The following ERBB4 variants were observed in gnomAD, a reference collection of about 807,000 sequenced individuals.
ERBB4 encodes receptor tyrosine-protein kinase erbB-4.
A neutral mutation model predicts 158.0 loss-of-function variants in ERBB4; 42 were observed. The ratio of observed to expected loss-of-function variants is 0.27; its 90% confidence interval spans 0.21 to 0.34. ERBB4 has a LOEUF of 0.34. Ranked by LOEUF, ERBB4 falls within the 10% of genes least tolerant of loss-of-function variation. ERBB4 has a pLI of 1.00. For missense variants in ERBB4, 1,333 were observed against 1,624.1 expected, an observed-to-expected ratio of 0.82 and a Z score of 3.08; for synonymous variants, 583 against 558.7, an observed-to-expected ratio of 1.04 and a Z score of -0.61.
chr2:212,371,388 A>T (rs2090079881), intron 1 of ERBB4, among the ~76,000 whole-genome samples: 1 of 152,244 alleles, frequency 6.6e-6, no homozygotes, highest in Admixed American at 6.5e-5. Flanking sequence ...TTTCTTTACA[A>T]TGTCAAATAC....
intron 1 of ERBB4, among the ~76,000 whole-genome samples, chr2:212,525,406 A>T (rs1692396154): frequency 6.6e-6 from 1 of 151,976 alleles, no homozygotes; most frequent in South Asian, 2.1e-4. Context: ...TGGAAATATG[A>T]TGAGATGAAC....
At chr2:211,546,920 A>G (rs553952371) in intron 20 of ERBB4, among the ~76,000 whole-genome samples, 1 of 152,248 alleles carries the variant, frequency 6.6e-6, no homozygotes, top group South Asian at 2.1e-4. Flanking sequence ...GAGTGCATTT[A>G]GAAACAAATA....
chr2:211,657,398 A>G (rs369699575), intron 16 of ERBB4, among the ~76,000 whole-genome samples: 115 of 151,884 alleles, frequency 7.6e-4, no homozygotes, highest in African/African-American at 2.5e-3. Flanking sequence ...AATCCCAGCT[A>G]CTCGGGAGGC....
rs2076009053 is a variant in ERBB4, at chr2:211,998,086, T to C, written c.235-50470A>G. Among the ~76,000 whole-genome samples, 3 of 151,990 alleles carry C rather than the reference T, an allele frequency of 2.0e-5. No individual in the cohort carries two copies. The South Asian group carries it at 6.2e-4, about 32-fold the overall frequency. On this transcript the variant is annotated intron_variant, in intron 2 of 27. Coordinates refer to ENST00000342788, the MANE Select transcript of ERBB4 (RefSeq NM_005235.3). Reference sequence around the variant, plus strand: ...ATTAGGAGATATACCTAACGTTAAATGATGAGTTAATGGGTGCAGCATACC... The same window carrying C: ...ATTAGGAGATATACCTAACGTTAAACGATGAGTTAATGGGTGCAGCATACC...
At chr2:212,373,816 T>A (rs1409428669) in intron 1 of ERBB4, among the ~76,000 whole-genome samples, 1 of 96,898 alleles carries the variant, frequency 1.0e-5, no homozygotes, top group Non-Finnish European at 2.0e-5. Context: ...TATATCCATG[T>A]ATATATCCAT....
At chr2:212,404,416 T>C (rs184679021) in intron 1 of ERBB4, among the ~76,000 whole-genome samples, 1 of 152,170 alleles carries the variant, frequency 6.6e-6, no homozygotes, top group Admixed American at 6.6e-5. Context: ...CATTTATCCA[T>C]CTGTTCTTTG....
intron 1 of ERBB4, among the ~76,000 whole-genome samples, chr2:212,402,716 A>C (rs926770609): frequency 1.3e-5 from 2 of 152,162 alleles, no homozygotes; most frequent in Non-Finnish European, 2.9e-5. Context: ...TATTAAAAAA[A>C]CAACTGCATG....
At chr2:212,520,316 C>A (rs974831398) in intron 1 of ERBB4, among the ~76,000 whole-genome samples, 3 of 151,834 alleles carry the variant, frequency 2.0e-5, no homozygotes. Flanking sequence ...AAACTTCATC[C>A]CAGTCTAGTT....
intron 1 of ERBB4, among the ~76,000 whole-genome samples, chr2:212,256,684 C>T (rs2106070409): frequency 6.6e-6 from 1 of 152,222 alleles, no homozygotes; most frequent in Non-Finnish European, 1.5e-5. Context: ...GAGGATAAGT[C>T]AGTAGCCTCG....
intron 1 of ERBB4, among the ~76,000 whole-genome samples, chr2:212,509,508 AT>A (rs1416639447): frequency 2.0e-5 from 3 of 152,072 alleles, no homozygotes; most frequent in African/African-American, 7.2e-5. Flanking sequence ...TATAAAAATT[AT>A]TACATGTTCT....
At chr2:212,125,056 AC>A in intron 1 of ERBB4, 153 bp from the exon 2 acceptor site, 1 of 796,316 alleles carries the variant, frequency 1.3e-6, no homozygotes, top group Non-Finnish European at 2.0e-6. Context: ...AGACCCACGC[AC>A]TGATGAACAT....
intron 1 of ERBB4, among the ~76,000 whole-genome samples, chr2:212,531,462 G>C (rs1429968257): frequency 6.6e-6 from 1 of 152,110 alleles, no homozygotes; most frequent in Non-Finnish European, 1.5e-5. Context: ...GTCTTAGTTA[G>C]GGCCATGATG....
chr2:212,448,895 T>C (rs946619894), intron 1 of ERBB4, among the ~76,000 whole-genome samples: 1 of 152,166 alleles, frequency 6.6e-6, no homozygotes, highest in South Asian at 2.1e-4. Context: ...AGGTTTTCTA[T>C]TTGGACTTTG....
chr2:211,933,460 T>C (rs1022736378), intron 3 of ERBB4, among the ~76,000 whole-genome samples: 9 of 152,112 alleles, frequency 5.9e-5, no homozygotes, highest in African/African-American at 2.2e-4. Flanking sequence ...ATATCAAATT[T>C]GATAATCTAT....
At position 211,852,636 on chromosome 2, in the gene ERBB4, C is replaced by CTTTTTTTTTT. The variant is rs10640429; in HGVS notation, c.422-64487_422-64478dup. Reference sequence around the variant, plus strand: ...TTACTGTACATGGTACAATGGCCAACTTTTTTTTTTTTTTTGCCGTTGCCA... The same window carrying CTTTTTTTTTT: ...TTACTGTACATGGTACAATGGCCAACTTTTTTTTTTTTTTTTTTTTTTTTTGCCGTTGCCA... On this transcript the variant is annotated intron_variant, in intron 3 of 27. Transcript: ENST00000342788. 4.3e-3 allele frequency among the ~76,000 whole-genome samples: 595 copies of CTTTTTTTTTT among 138,772 alleles called. 6 individuals are homozygous for CTTTTTTTTTT. The highest frequency in any genetic ancestry group is 0.015 in the African/African-American group (565 of 37,472). 91.0% of individuals were successfully genotyped at this position (138,772 alleles called of 152,430 possible).
At chr2:211,531,669 G>A (rs372525397) in intron 20 of ERBB4, among the ~76,000 whole-genome samples, 4 of 152,022 alleles carry the variant, frequency 2.6e-5, no homozygotes, top group Admixed American at 2.0e-4. Flanking sequence ...ACAAATGCTG[G>A]CGAGGATGTG....
chr2:211,779,866 C>T (rs111305407), intron 4 of ERBB4: 1 of 152,200 alleles, frequency 6.6e-6, no homozygotes, highest in Non-Finnish European at 1.5e-5. Context: ...AATTGTTACA[C>T]AACTTTGTCA....
intron 12 of ERBB4, among the ~76,000 whole-genome samples, chr2:211,696,316 G>A (rs889191029): frequency 6.6e-6 from 1 of 151,924 alleles, no homozygotes; most frequent in African/African-American, 2.4e-5. Flanking sequence ...TCACCATATT[G>A]GCCAAGATGA....
At chr2:211,686,095 C>A (rs1411671801) in intron 12 of ERBB4, among the ~76,000 whole-genome samples, 2 of 151,876 alleles carry the variant, frequency 1.3e-5, no homozygotes, top group African/African-American at 4.8e-5. Flanking sequence ...AATCTATATG[C>A]TTTTTCATTT....
Sources: allele counts gnomAD v4.1 joint callset (sites outside exome capture counted in the v4.1 genomes callset), GRCh38; gene constraint gnomAD v4.1.1; transcripts MANE v1.5; gene names NCBI Gene and HGNC (gene_info 2026-07-23, HGNC 2026-07-21).